Variants in SLC2A4 observed in about 807,000 individuals in gnomAD.
The protein encoded by SLC2A4 is solute carrier family 2, facilitated glucose transporter member 4.
Under a neutral mutation model 53.3 loss-of-function variants are expected in SLC2A4, and 31 were observed. That is an observed-to-expected ratio of 0.58 (90% CI 0.44 to 0.78). The LOEUF is 0.78. Ranked by LOEUF, SLC2A4 falls within the 30% of genes least tolerant of loss-of-function variation. The probability of loss-of-function intolerance (pLI) is 0.00; values close to 1 mark genes in which losing one functional copy is unlikely to be tolerated. For synonymous variants in SLC2A4, 276 were observed against 281.9 expected (o/e 0.98, Z 0.21); for missense variants, 538 against 655.7 (o/e 0.82, Z 1.96).
At position 7,285,603 on chromosome 17, in the gene SLC2A4, A is replaced by G; in HGVS notation, c.1123-102A>G. The G allele has an allele frequency of 2.7e-6, 3 of 1,131,354 alleles. No homozygotes were observed. The highest frequency in any genetic ancestry group is 2.6e-6 in the Non-Finnish European group (2 of 756,754). 70.1% of individuals were successfully genotyped at this position (1,131,354 alleles called of 1,614,324 possible). A position where few individuals can be genotyped will look rare whatever the true frequency, so the allele number is the denominator to read the frequency against. On this transcript the variant is annotated intron_variant, in intron 9 of 10. Coordinates refer to ENST00000317370, the MANE Select transcript of SLC2A4 (RefSeq NM_001042.3). This position sits in a 1 kb window ranked among gnomAD's most constrained non-coding sequence, Gnocchi z 6.0. ...AACCCGGGACAGCAGGCCCCCTACAAGCTGCTGCGGAGGGGGTTAGGTTTC... is the reference window on the plus strand; with the variant it reads ...AACCCGGGACAGCAGGCCCCCTACAGGCTGCTGCGGAGGGGGTTAGGTTTC...
At chr17:7,281,994 C>CGGGGGG in intron 1 of SLC2A4, 27 bp downstream of exon 1, 4 of 223,016 alleles carry the variant, frequency 1.8e-5, no homozygotes, top group Admixed American at 1.6e-4. Context: ...GGGGGCGGGG[C>CGGGGGG]GGGGGGGCAC....
rs773617393 is a variant in SLC2A4 at position 7,281,964 on chromosome 17, C to T, written c.30C>T (p.Ser10=). The T allele has an allele frequency of 6.8e-7, 1 of 1,467,124 alleles. No homozygotes were observed. Among genetic ancestry groups the T allele is most frequent in the African/African-American group, 1.5e-5 (1 of 68,364 alleles). 90.9% of individuals were successfully genotyped at this position (1,467,124 alleles called of 1,614,324 possible). A position where few individuals can be genotyped will look rare whatever the true frequency, so the allele number is the denominator to read the frequency against. The change falls in exon 1 of 11, where the codon TCC becomes TCT. Residue 10 remains serine (S), a synonymous_variant. Coordinates refer to ENST00000317370, the MANE Select transcript of SLC2A4 (RefSeq NM_001042.3). The stretch of plus-strand genomic sequence containing the variant: ...CGTCGGGCTTCCAACAGATAGGCTC[C>T]GAAGTAGGATTCATCATGAGGGGGC... MPSGFQQIG[S]EDGEPPQQRV...
rs1318364939 is a variant in SLC2A4, at chr17:7,285,841, T to A, written c.1259T>A (p.Met420Lys). The A allele has an allele frequency of 2.5e-6, 4 of 1,614,218 alleles. No homozygotes were observed. Among genetic ancestry groups the A allele is most frequent in the Non-Finnish European group, 3.4e-6 (4 of 1,180,028 alleles). Residue 420 changes from methionine (M) to lysine (K), a missense_variant, in exon 10 of 11, where the codon ATG becomes AAG. Physicochemically the swap from Met to Lys is moderately conservative, Grantham distance 95. Transcript: ENST00000317370. This position sits in a 1 kb window ranked among gnomAD's most constrained non-coding sequence, Gnocchi z 6.0. The part of the protein sequence containing the change: ...LFSQGPRPAA[M>K]AVAGFSNWTS... Reference sequence around the variant, plus strand: ...AGCCAGGGACCCCGCCCGGCAGCCATGGCTGTGGCTGGTTTCTCCAACTGG... The same window carrying A: ...AGCCAGGGACCCCGCCCGGCAGCCAAGGCTGTGGCTGGTTTCTCCAACTGG...
chr17:7,282,052 G>C lies in SLC2A4; in HGVS notation c.33+85G>C, dbSNP rs570785589. On this transcript the variant is annotated intron_variant, in intron 1 of 10. Coordinates refer to ENST00000317370, the MANE Select transcript of SLC2A4 (RefSeq NM_001042.3). The surrounding 1 kb of genome is among the most constrained non-coding windows in gnomAD (Gnocchi z 4.1). The stretch of plus-strand genomic sequence containing the variant: ...GGGTCGCGGTTGGGGTCAGCTGGGG[G>C]TGGTTCCTGCGCAGGCGCAGGGGGT... 8.4e-7 allele frequency: 1 copy of C among 1,197,420 alleles called. No homozygotes were observed. The highest frequency in any genetic ancestry group is 1.3e-5 in the South Asian group (1 of 78,028). The allele number at this position is 1,197,420 out of a possible 1,614,324, so 74.2% of individuals were successfully genotyped here.
chr17:7,282,227 G>C lies in SLC2A4; in HGVS notation c.33+260G>C. On this transcript the variant is annotated intron_variant, in intron 1 of 10. Coordinates refer to ENST00000317370, the MANE Select transcript of SLC2A4 (RefSeq NM_001042.3). This position sits in a 1 kb window ranked among gnomAD's most constrained non-coding sequence, Gnocchi z 4.1. ...GAGCCAGGGTTCACCCCCTTGCCTAGTAGGCGGCGCGGCGCTCCGGAATCG... is the reference window on the plus strand; with the variant it reads ...GAGCCAGGGTTCACCCCCTTGCCTACTAGGCGGCGCGGCGCTCCGGAATCG... The C allele has an allele frequency of 1.6e-6, 1 of 614,538 alleles. No individual in the cohort carries two copies. The highest frequency in any genetic ancestry group is 1.8e-5 in the African/African-American group (1 of 55,576). 38.1% of individuals were successfully genotyped at this position (614,538 alleles called of 1,614,324 possible). A position where few individuals can be genotyped will look rare whatever the true frequency, so the allele number is the denominator to read the frequency against.
chr17:7,282,001 G>GGCCC lies in SLC2A4; in HGVS notation c.33+34_33+35insGCCC. The GGCCC allele has an allele frequency of 5.6e-6, 3 of 535,038 alleles. No homozygotes were observed. Among genetic ancestry groups the GGCCC allele is most frequent in the South Asian group, 1.5e-5 (1 of 67,876 alleles). The allele number at this position is 535,038 out of a possible 1,614,324, so 33.1% of individuals were successfully genotyped here. The stretch of plus-strand genomic sequence containing the variant: ...CATCATGAGGGGGCGGGGCGGGGGG[G>GGCCC]CACGGGTCCCGCTTTTCTTGGGCTG... On this transcript the variant is annotated intron_variant, in intron 1 of 10. Coordinates refer to ENST00000317370, the MANE Select transcript of SLC2A4 (RefSeq NM_001042.3). The surrounding 1 kb of genome is among the most constrained non-coding windows in gnomAD (Gnocchi z 4.1).
chr17:7,286,715 T>C lies in SLC2A4; in HGVS notation c.*86T>C. 8.2e-7 allele frequency: 1 copy of C among 1,214,158 alleles called. No individual in the cohort carries two copies. The highest frequency in any genetic ancestry group is 1.2e-6 in the Non-Finnish European group (1 of 823,994). The allele number at this position is 1,214,158 out of a possible 1,614,324, so 75.2% of individuals were successfully genotyped here. On this transcript the variant is annotated 3_prime_UTR_variant, in exon 11 of 11. Coordinates refer to ENST00000317370, the MANE Select transcript of SLC2A4 (RefSeq NM_001042.3). ...CCTCTGCAGCACTTTAACCCTCTCT[T>C]CCCTATTATTTCCGGGTGGAAAAGA...
At position 7,283,334 on chromosome 17, in the gene SLC2A4, C is replaced by T. The variant is rs775146734; in HGVS notation, c.123C>T (p.Asn41=). 1.2e-6 allele frequency: 2 copies of T among 1,613,906 alleles called. No homozygotes were observed. Among genetic ancestry groups the T allele is most frequent in the African/African-American group, 1.3e-5 (1 of 74,952 alleles). Residue 41 remains asparagine, a synonymous_variant, in exon 2 of 11, where the codon AAC becomes AAT. Coordinates refer to ENST00000317370, the MANE Select transcript of SLC2A4 (RefSeq NM_001042.3). The surrounding 1 kb of genome is among the most constrained non-coding windows in gnomAD (Gnocchi z 5.8). ...TTGGCTCCCTGCAGTTTGGGTACAA[C>T]ATTGGGGTCATCAATGCCCCTCAGA... The part of the protein sequence containing the change: ...AVLGSLQFGY[N]IGVINAPQKV...
At position 7,284,183 on chromosome 17, in the gene SLC2A4, G is replaced by A. The variant is rs762600776; in HGVS notation, c.565-34G>A. The A allele has an allele frequency of 5.6e-6, 9 of 1,611,408 alleles. No individual in the cohort carries two copies. The East Asian group carries it at 6.7e-5, about 12-fold the overall frequency. ...TTCCAAGGTAAGGCAGAAGGGCTGA[G>A]TGACCTGCCTTCTTTCCCAACCTTC... On this transcript the variant is annotated intron_variant, in intron 5 of 10. Transcript: ENST00000317370. The surrounding 1 kb of genome is among the most constrained non-coding windows in gnomAD (Gnocchi z 7.5).
rs374995843 is a variant in SLC2A4, at chr17:7,284,303, G to A, written c.651G>A (p.Leu217=). 9.9e-6 allele frequency: 16 copies of A among 1,614,154 alleles called. No homozygotes were observed. The African/African-American group carries it at 2.0e-4, about 20-fold the overall frequency. ...CAGTGCTACCTGCCCTCCTGCAGCTGGTCCTGCTGCCCTTCTGTCCCGAGA... is the reference window on the plus strand; with the variant it reads ...CAGTGCTACCTGCCCTCCTGCAGCTAGTCCTGCTGCCCTTCTGTCCCGAGA... ...GLTVLPALLQ[L]VLLPFCPESP... Residue 217 remains leucine (L), a synonymous_variant, in exon 6 of 11, where the codon CTG becomes CTA. Coordinates refer to ENST00000317370, the MANE Select transcript of SLC2A4 (RefSeq NM_001042.3). This position sits in a 1 kb window ranked among gnomAD's most constrained non-coding sequence, Gnocchi z 7.5.
chr17:7,284,625 A>T lies in SLC2A4; in HGVS notation c.868A>T (p.Ile290Phe). 6.2e-7 allele frequency: 1 copy of T among 1,614,136 alleles called. No individual in the cohort carries two copies. Among genetic ancestry groups the T allele is most frequent in the South Asian group, 1.1e-5 (1 of 91,086 alleles). ...CCGTACCCACCGGCAGCCCCTGATC[A>T]TTGCGGTCGTGCTGCAGCTGAGCCA... is the stretch of plus-strand genomic sequence containing the variant. ...GSRTHRQPLI[I>F]AVVLQLSQQL... The change falls in exon 7 of 11, where the codon ATT becomes TTT. Residue 290 changes from isoleucine (I) to phenylalanine (F), a missense_variant. By Grantham distance (21) the Ile-to-Phe change is conservative. Coordinates refer to ENST00000317370, the MANE Select transcript of SLC2A4 (RefSeq NM_001042.3). The surrounding 1 kb of genome is among the most constrained non-coding windows in gnomAD (Gnocchi z 7.5).
intron 10 of SLC2A4, 142 bp downstream of exon 10, chr17:7,286,050 G>A: frequency 1.4e-6 from 1 of 740,400 alleles, no homozygotes; most frequent in African/African-American, 1.8e-5. Flanking sequence ...CTGCTCCACA[G>A]AATCAAAGCA....
chr17:7,284,232 T>TC lies in SLC2A4; in HGVS notation c.583dup (p.Leu195ProfsTer65). 6.2e-7 allele frequency: 1 copy of TC among 1,612,910 alleles called. No individual in the cohort carries two copies. Among genetic ancestry groups the TC allele is most frequent in the Non-Finnish European group, 8.5e-7 (1 of 1,179,992 alleles). On this transcript the variant is annotated frameshift_variant, in exon 6 of 11. Transcript: ENST00000317370. LOFTEE classifies it high-confidence loss of function. The surrounding 1 kb of genome is among the most constrained non-coding windows in gnomAD (Gnocchi z 7.5). The stretch of plus-strand genomic sequence containing the variant: ...TCTCCCACAGGTGCTGGGCTTGGAG[T>TC]CCCTCCTGGGCACTGCCAGCCTGTG...
In SLC2A4 at chr17:7,287,719, G is replaced by A. The variant is rs1455599533; in HGVS notation, c.*1090G>A. 1.3e-5 allele frequency: 2 copies of A among 152,244 alleles called. No individual in the cohort carries two copies. Among genetic ancestry groups the A allele is most frequent in the Non-Finnish European group, 2.9e-5 (2 of 68,060 alleles). 9.4% of individuals were successfully genotyped at this position (152,244 alleles called of 1,614,324 possible). A position where few individuals can be genotyped will look rare whatever the true frequency, so the allele number is the denominator to read the frequency against. ...CTGCCTGGAAACACTGGGCTGGGAG[G>A]AGCCTTTGGATATTTTTATATACGT... On this transcript the variant is annotated 3_prime_UTR_variant, in exon 11 of 11. Coordinates refer to ENST00000317370, the MANE Select transcript of SLC2A4 (RefSeq NM_001042.3).
chr17:7,281,983 A>AG lies in SLC2A4; in HGVS notation c.33+21dup. On this transcript the variant is annotated intron_variant, in intron 1 of 10. Transcript: ENST00000317370. ...AGGCTCCGAAGTAGGATTCATCATG[A>AG]GGGGGCGGGGCGGGGGGGCACGGGT... 1 of 211,760 alleles carries AG rather than the reference A, an allele frequency of 4.7e-6. No individual in the cohort carries two copies. The highest frequency in any genetic ancestry group is 4.1e-5 in the South Asian group (1 of 24,514). The allele number at this position is 211,760 out of a possible 1,614,324, so 13.1% of individuals were successfully genotyped here. A position where few individuals can be genotyped will look rare whatever the true frequency, so the allele number is the denominator to read the frequency against.
chr17:7,281,826 G>A lies in SLC2A4; in HGVS notation c.-109G>A. 3 of 1,195,818 alleles carry A rather than the reference G, an allele frequency of 2.5e-6. No homozygotes were observed. Among genetic ancestry groups the A allele is most frequent in the Non-Finnish European group, 3.6e-6 (3 of 824,412 alleles). 74.1% of individuals were successfully genotyped at this position (1,195,818 alleles called of 1,614,324 possible). A position where few individuals can be genotyped will look rare whatever the true frequency, so the allele number is the denominator to read the frequency against. On this transcript the variant is annotated 5_prime_UTR_variant, in exon 1 of 11. Transcript: ENST00000317370. ...CGGGCCCGCCCTCGCACGTCACTCC[G>A]GGACCCCCGCGGCCTCCGCAGGTTC...
At position 7,282,514 on chromosome 17, in the gene SLC2A4, C is replaced by T. The variant is rs1266508831; in HGVS notation, c.33+547C>T. The T allele has an allele frequency of 4.8e-6, 2 of 414,060 alleles. No homozygotes were observed. The highest frequency in any genetic ancestry group is 4.1e-5 in the African/African-American group (2 of 49,072). 25.6% of individuals were successfully genotyped at this position (414,060 alleles called of 1,614,324 possible). A position where few individuals can be genotyped will look rare whatever the true frequency, so the allele number is the denominator to read the frequency against. On this transcript the variant is annotated intron_variant, in intron 1 of 10. Coordinates refer to ENST00000317370, the MANE Select transcript of SLC2A4 (RefSeq NM_001042.3). The surrounding 1 kb of genome is among the most constrained non-coding windows in gnomAD (Gnocchi z 4.1). ...GGAGACAGTCTGTGCCGCCAGCGAG[C>T]GGCCACCACTGCCACCGCCCCTCAC...
chr17:7,285,027 C>G lies in SLC2A4; in HGVS notation c.1021-61C>G, dbSNP rs761081733. On this transcript the variant is annotated intron_variant, in intron 8 of 10. Coordinates refer to ENST00000317370, the MANE Select transcript of SLC2A4 (RefSeq NM_001042.3). This position sits in a 1 kb window ranked among gnomAD's most constrained non-coding sequence, Gnocchi z 6.0. The stretch of plus-strand genomic sequence containing the variant: ...TCCTGCTCTTGGTTGCCCTCACCCA[C>G]GCGGCCCCTCCTACTTCCCGTGCCC... 1 of 1,612,840 alleles carries G rather than the reference C, an allele frequency of 6.2e-7. No homozygotes were observed. Among genetic ancestry groups the G allele is most frequent in the South Asian group, 1.1e-5 (1 of 91,034 alleles).
rs149169715 is a variant in SLC2A4, at chr17:7,283,811, G to C, written c.397G>C (p.Ala133Pro). 35 of 1,613,988 alleles carry C rather than the reference G, an allele frequency of 2.2e-5. No homozygotes were observed. In the African/African-American group the frequency reaches 4.1e-4, roughly 19 times the overall value. ...CCTCATGGGCCTGGCCAATGCTGCTGCCTCCTATGAAATGCTCATCCTTGG... is the reference window on the plus strand; with the variant it reads ...CCTCATGGGCCTGGCCAATGCTGCTCCCTCCTATGAAATGCTCATCCTTGG... ...GSLMGLANAA[A>P]SYEMLILGRF... Residue 133 changes from alanine to proline, a missense_variant, in exon 4 of 11, where the codon GCC becomes CCC. Transcript: ENST00000317370. The surrounding 1 kb of genome is among the most constrained non-coding windows in gnomAD (Gnocchi z 5.8).
Sources: gnomAD v4.1 joint callset for allele counts on GRCh38, gnomAD v4.1.1 for gene constraint, Gnocchi (gnomAD v3.1) non-coding constraint, MANE v1.5 for transcripts, NCBI Gene and HGNC (gene_info 2026-07-23, HGNC 2026-07-21) for gene names.